The following MYO9B variants were observed in gnomAD, a reference collection of about 807,000 sequenced individuals.
MYO9B encodes unconventional myosin-IXb.
A neutral mutation model predicts 229.5 loss-of-function variants in MYO9B; 71 were observed. The ratio of observed to expected loss-of-function variants is 0.31; its 90% confidence interval spans 0.26 to 0.38. The LOEUF (loss-of-function observed/expected upper bound fraction) is 0.38, where lower values mean the gene tolerates loss of function less well. Ranked by LOEUF, MYO9B falls within the 10% of genes least tolerant of loss-of-function variation. The pLI, the probability that MYO9B is intolerant of heterozygous loss-of-function variation, is 1.00. For missense variants in MYO9B, 2,255 were observed against 2,920.5 expected, an observed-to-expected ratio of 0.77 and a Z score of 5.25; for synonymous variants, 1,185 against 1,235.8, an observed-to-expected ratio of 0.96 and a Z score of 0.86.
intron 1 of MYO9B, among the ~76,000 whole-genome samples, chr19:17,100,749 C>T (rs570829270): frequency 6.6e-6 from 1 of 152,222 alleles, no homozygotes; most frequent in African/African-American, 2.4e-5. Context: ...GTTCTTCTCC[C>T]CAGTAGTCTG....
chr19:17,100,938 T>A (rs904786275), intron 1 of MYO9B, among the ~76,000 whole-genome samples: 2 of 151,434 alleles, frequency 1.3e-5, no homozygotes, highest in Non-Finnish European at 2.9e-5. Context: ...TACTGCTGTG[T>A]GGCCAAGGCC....
At chr19:17,157,093 C>A in intron 7 of MYO9B, 55 bp downstream of exon 7, 1 of 1,580,626 alleles carries the variant, frequency 6.3e-7, no homozygotes, top group Non-Finnish European at 8.6e-7. Flanking sequence ...CGCTGGCTAT[C>A]TCTCAGTACG....
intron 11 of MYO9B, among the ~76,000 whole-genome samples, chr19:17,170,591 A>C (rs1031873474): frequency 7.1e-6 from 1 of 140,204 alleles, no homozygotes; most frequent in African/African-American, 2.7e-5. Context: ...GTGGAGGATC[A>C]TTTGAGACCA....
chr19:17,133,123 G>A (rs947383860), intron 2 of MYO9B, among the ~76,000 whole-genome samples: 1 of 152,096 alleles, frequency 6.6e-6, no homozygotes, highest in African/African-American at 2.4e-5. Context: ...TGGCATTACA[G>A]GCGTGAGCCA....
chr19:17,109,939 A>G (rs1231243891), intron 2 of MYO9B, among the ~76,000 whole-genome samples: 1 of 152,100 alleles, frequency 6.6e-6, no homozygotes, highest in Non-Finnish European at 1.5e-5. Flanking sequence ...AAGTCAACCC[A>G]CTGCAGGTAG....
chr19:17,188,020 G>T lies in MYO9B; in HGVS notation c.2663G>T (p.Gly888Val), dbSNP rs1171472259. 1.3e-6 allele frequency: 2 copies of T among 1,598,760 alleles called. No individual in the cohort carries two copies. Among genetic ancestry groups the T allele is most frequent in the East Asian group, 2.3e-5 (1 of 44,044 alleles). Residue 888 changes from glycine to valine, a missense_variant, in exon 19 of 40, where the codon GGG (glycine) becomes GTG (valine). This residue lies in a region of MYO9B where 68 missense variants were observed against 133.5 expected (regional missense o/e 0.51). Transcript: ENST00000682292. ...MLETVRIRRS[G>V]YSAKYTFQDF... is the part of the protein sequence containing the mutation. ...GAGACCGTGCGCATCCGGAGGTCAG[G>T]GTACAGCGCCAAGTACACGTTCCAG...
At chr19:17,168,519 G>C (rs1027192630) in intron 11 of MYO9B, among the ~76,000 whole-genome samples, 1 of 152,188 alleles carries the variant, frequency 6.6e-6, no homozygotes, top group Non-Finnish European at 1.5e-5. Context: ...ACCCAAGCTC[G>C]TGTGTGCAAA....
At chr19:17,091,036 C>T (rs1361381571) in intron 1 of MYO9B, among the ~76,000 whole-genome samples, 1 of 152,184 alleles carries the variant, frequency 6.6e-6, no homozygotes, top group East Asian at 1.9e-4. Context: ...TGAGAACATT[C>T]TCTGAAGCTC....
In MYO9B at chr19:17,101,685, T is replaced by G; in HGVS notation, c.-33T>G. The G allele has an allele frequency of 6.5e-7, 1 of 1,528,430 alleles. No homozygotes were observed. Among genetic ancestry groups the G allele is most frequent in the African/African-American group, 1.4e-5 (1 of 72,620 alleles). The allele number at this position is 1,528,430 out of a possible 1,614,324, so 94.7% of individuals were successfully genotyped here. On this transcript the variant is annotated 5_prime_UTR_variant, in exon 2 of 40. Coordinates refer to ENST00000682292, the MANE Select transcript of MYO9B (RefSeq NM_004145.4). The surrounding 1 kb of genome is among the most constrained non-coding windows in gnomAD (Gnocchi z 4.7). Reference sequence around the variant, plus strand: ...CTCCAGGACACGCGCGCCCCGAGCCTGGGAGGCATGCTGAAGCCAGGCGGC... The same window carrying G: ...CTCCAGGACACGCGCGCCCCGAGCCGGGGAGGCATGCTGAAGCCAGGCGGC...
In MYO9B at chr19:17,155,736, G is replaced by A. The variant is rs561954286; in HGVS notation, c.1200-1173G>A. ...TACAATGAGCTAAGATGGCACCTCT[G>A]GCCCGGGCGCAGTGGCTCACGCCTG... On this transcript the variant is annotated intron_variant, in intron 6 of 39. Transcript: ENST00000682292. 1.4e-4 allele frequency among the ~76,000 whole-genome samples: 21 copies of A among 151,728 alleles called. No individual in the cohort carries two copies. The South Asian group carries it at 4.4e-3, about 32-fold the overall frequency.
chr19:17,119,055 G>A (rs2057935781), intron 2 of MYO9B, among the ~76,000 whole-genome samples: 1 of 152,184 alleles, frequency 6.6e-6, no homozygotes, highest in Non-Finnish European at 1.5e-5. Flanking sequence ...GGAATGGCCA[G>A]GAAGCAAGAT....
At chr19:17,109,589 C>T (rs1169394336) in intron 2 of MYO9B, among the ~76,000 whole-genome samples, 1 of 152,172 alleles carries the variant, frequency 6.6e-6, no homozygotes, top group East Asian at 1.9e-4. Flanking sequence ...GATTCTCTCA[C>T]AGTTCTGGAG....
chr19:17,168,590 A>T (rs1033724977), intron 11 of MYO9B, among the ~76,000 whole-genome samples: 21 of 152,230 alleles, frequency 1.4e-4, no homozygotes, highest in African/African-American at 5.1e-4. Flanking sequence ...CACTTGAGGC[A>T]CATCCGCCAG....
In MYO9B at chr19:17,101,499, G is replaced by A. The variant is rs989492952; in HGVS notation, c.-58-161G>A. Among the ~76,000 whole-genome samples the A allele has an allele frequency of 3.9e-5, 6 of 152,098 alleles. No homozygotes were observed. Among genetic ancestry groups the A allele is most frequent in the East Asian group, 3.9e-4 (2 of 5,176 alleles). On this transcript the variant is annotated intron_variant, in intron 1 of 39. Coordinates refer to ENST00000682292, the MANE Select transcript of MYO9B (RefSeq NM_004145.4). The surrounding 1 kb of genome is among the most constrained non-coding windows in gnomAD (Gnocchi z 4.7). The stretch of plus-strand genomic sequence containing the variant: ...CATTGAAGGACAGACAGACCCTCAC[G>A]GGATGTCGTGACTGGTTGCCTCTGG...
chr19:17,145,538 C>A, intron 3 of MYO9B, 47 bp downstream of exon 3: 1 of 1,455,930 alleles, frequency 6.9e-7, no homozygotes, highest in Non-Finnish European at 9.6e-7. Context: ...GCCCCACGCA[C>A]TGTTGCTTCC....
chr19:17,209,707 G>A lies in MYO9B; in HGVS notation c.5746G>A (p.Ala1916Thr), dbSNP rs1288942114. The A allele has an allele frequency of 6.2e-7, 1 of 1,613,678 alleles. No individual in the cohort carries two copies. Among genetic ancestry groups the A allele is most frequent in the African/African-American group, 1.3e-5 (1 of 74,952 alleles). The change falls in exon 36 of 40, where the codon GCT becomes ACT. Residue 1916 changes from alanine (A) to threonine (T), a missense_variant and splice_region_variant. This residue lies in a region of MYO9B where 416 missense variants were observed against 605.5 expected (regional missense o/e 0.69). Transcript: ENST00000682292. ...FRRLSLLRQN[A>T]PWPLKLGFSS... ...CAGGCTTTCGCTCCTGCGACAAAAT[G>A]CTGTGAGTACCGGTGATCGTGGGGG...
At position 17,154,433 on chromosome 19, in the gene MYO9B, C is replaced by G. The variant is rs776012174; in HGVS notation, c.1199+18C>G. 1.3e-6 allele frequency: 2 copies of G among 1,593,280 alleles called. No individual in the cohort carries two copies. Among genetic ancestry groups the G allele is most frequent in the African/African-American group, 2.7e-5 (2 of 74,236 alleles). On this transcript the variant is annotated intron_variant, in intron 6 of 39. Coordinates refer to ENST00000682292, the MANE Select transcript of MYO9B (RefSeq NM_004145.4). ...AAGAAGCAGTAAGTGTGCGGGCTCCCGGGGCCTGTCCCCCAGAGCCTACAG... is the reference window on the plus strand; with the variant it reads ...AAGAAGCAGTAAGTGTGCGGGCTCCGGGGGCCTGTCCCCCAGAGCCTACAG...
At chr19:17,149,899 C>T (rs1387423919) in intron 3 of MYO9B, among the ~76,000 whole-genome samples, 1 of 152,216 alleles carries the variant, frequency 6.6e-6, no homozygotes, top group Admixed American at 6.5e-5. Context: ...CACGGGGAAT[C>T]GGCCACAGGC....
At chr19:17,145,168 C>T (rs2072393737) in intron 2 of MYO9B, among the ~76,000 whole-genome samples, 1 of 151,774 alleles carries the variant, frequency 6.6e-6, no homozygotes. Flanking sequence ...CCCAGCTACT[C>T]AGGAGGCTGA....
Sources: gnomAD v4.1 joint callset for allele counts (sites outside exome capture counted in the v4.1 genomes callset) on GRCh38, gnomAD v4.1.1 for gene constraint, gnomAD v4.1.1 regional missense constraint, Gnocchi (gnomAD v3.1) non-coding constraint, MANE v1.5 for transcripts, NCBI Gene and HGNC (gene_info 2026-07-23, HGNC 2026-07-21) for gene names.